Variants in ANO2 observed in about 807,000 individuals in gnomAD.
The protein encoded by ANO2 is anoctamin-2.
A neutral mutation model predicts 124.2 loss-of-function variants in ANO2; 101 were observed. That is an observed-to-expected ratio of 0.81 (90% confidence interval 0.69 to 0.96). ANO2 has a LOEUF of 0.96. ANO2 is among the 40% of genes least tolerant of loss of function. The pLI is 0.00. For missense variants in ANO2, 1,293 were observed against 1,274.5 expected (o/e 1.01, Z -0.22); for synonymous variants, 486 against 482.5 (o/e 1.01, Z -0.09).
At chr12:5,566,043 C>A (rs1000301477) in intron 23 of ANO2, among the ~76,000 whole-genome samples, 2 of 151,994 alleles carry the variant, frequency 1.3e-5, no homozygotes, top group Non-Finnish European at 1.5e-5. Flanking sequence ...AGGGGAGACC[C>A]AGACACCCTG....
chr12:5,849,759 A>T (rs775801699), intron 4 of ANO2, among the ~76,000 whole-genome samples: 13 of 152,100 alleles, frequency 8.5e-5, no homozygotes, highest in Non-Finnish European at 1.6e-4. Flanking sequence ...GTTATGATCC[A>T]AACCTCCACT....
chr12:5,606,076 C>T (rs1324527791), intron 19 of ANO2, among the ~76,000 whole-genome samples: 1 of 152,166 alleles, frequency 6.6e-6, no homozygotes, highest in Non-Finnish European at 1.5e-5. Flanking sequence ...TACTGCCTCC[C>T]TTTGAAGCAT....
At chr12:5,945,277 C>G (rs1943059250), upstream of ANO2, 3 of 1,254,222 alleles carry the variant, frequency 2.4e-6, no homozygotes, top group Non-Finnish European at 3.1e-6. Context: ...CTTATGCCGC[C>G]GCGGGGCTAA....
intron 3 of ANO2, among the ~76,000 whole-genome samples, chr12:5,903,678 G>GT (rs1565765485): frequency 2.2e-4 from 24 of 108,658 alleles, no homozygotes; most frequent in African/African-American, 4.0e-4. Flanking sequence ...TGTGTGTGTG[G>GT]GTGTAGACAG....
At chr12:5,675,637 G>A (rs1270267821) in intron 14 of ANO2, among the ~76,000 whole-genome samples, 3 of 152,142 alleles carry the variant, frequency 2.0e-5, no homozygotes, top group Admixed American at 6.5e-5. Context: ...CCTTGCTGTC[G>A]TCAGTTCTCA....
At position 5,900,830 on chromosome 12, in the gene ANO2, A is replaced by G. The variant is rs986252379; in HGVS notation, c.534+20210T>C. On this transcript the variant is annotated intron_variant, in intron 3 of 24. Coordinates refer to ENST00000682330, the MANE Select transcript of ANO2 (RefSeq NM_001364791.2). This position sits in a 1 kb window ranked among gnomAD's most constrained non-coding sequence, Gnocchi z 4.2. Reference sequence around the variant, plus strand: ...GGCTGTTTGGAAAGAGTCAAGGCCAAGAGGGCAGGAAGGCGTCTCCTTGTT... The same window carrying G: ...GGCTGTTTGGAAAGAGTCAAGGCCAGGAGGGCAGGAAGGCGTCTCCTTGTT... 6.9e-6 allele frequency among the ~76,000 whole-genome samples: 1 copy of G among 145,354 alleles called. No individual in the cohort carries two copies. The highest frequency in any genetic ancestry group is 6.7e-5 in the Admixed American group (1 of 14,988).
chr12:5,943,640 C>A (rs1942983266), intron 1 of ANO2, among the ~76,000 whole-genome samples: 8 of 152,112 alleles, frequency 5.3e-5, no homozygotes, highest in Admixed American at 5.2e-4. Context: ...AAGCAAAACC[C>A]CGTACCCTAA....
Position 5,772,841 on chromosome 12 carries a change from T to C in ANO2, c.1056-21871A>G, listed in dbSNP as rs142492983. On this transcript the variant is annotated intron_variant, in intron 10 of 24. Coordinates refer to ENST00000682330, the MANE Select transcript of ANO2 (RefSeq NM_001364791.2). ...CATTTCTTCATCATATACCACATAA[T>C]ATGGATGTTAATAGCCACTCCCAAG... Among the ~76,000 whole-genome samples, 12 of 152,336 alleles carry C rather than the reference T, an allele frequency of 7.9e-5. No homozygotes were observed. The East Asian group carries it at 2.1e-3, about 27-fold the overall frequency.
chr12:5,755,468 C>T (rs543756383), intron 10 of ANO2, among the ~76,000 whole-genome samples: 6 of 151,368 alleles, frequency 4.0e-5, no homozygotes, highest in South Asian at 4.2e-4. Flanking sequence ...AGGTTTGTTA[C>T]GTATGTATAC....
At chr12:5,864,031 A>T (rs1955352778) in intron 3 of ANO2, among the ~76,000 whole-genome samples, 1 of 152,232 alleles carries the variant, frequency 6.6e-6, no homozygotes, top group Non-Finnish European at 1.5e-5. Flanking sequence ...GGCACTGTGA[A>T]ATCTCTGCCT....
At chr12:5,850,163 C>T (rs1206467867) in intron 4 of ANO2, among the ~76,000 whole-genome samples, 1 of 151,560 alleles carries the variant, frequency 6.6e-6, no homozygotes, top group African/African-American at 2.4e-5. Context: ...TGCCTGTAAG[C>T]CCAACACTTT....
At chr12:5,869,451 AAT>A (rs1374790379) in intron 3 of ANO2, among the ~76,000 whole-genome samples, 4 of 152,182 alleles carry the variant, frequency 2.6e-5, no homozygotes, top group African/African-American at 9.7e-5. Context: ...GCCCAGGGTA[AAT>A]CTTCAATAAA....
chr12:5,835,418 G>A (rs1954285453), intron 4 of ANO2, among the ~76,000 whole-genome samples: 1 of 152,204 alleles, frequency 6.6e-6, no homozygotes, highest in African/African-American at 2.4e-5. Flanking sequence ...TGTGAATTAA[G>A]AAGATAATCA....
intron 10 of ANO2, among the ~76,000 whole-genome samples, chr12:5,773,189 T>C (rs1159733537): frequency 2.6e-5 from 4 of 152,238 alleles, no homozygotes; most frequent in African/African-American, 9.6e-5. Flanking sequence ...CCTTCTCTTG[T>C]CCCTTCCTGC....
intron 14 of ANO2, among the ~76,000 whole-genome samples, chr12:5,720,937 G>A (rs999830877): frequency 6.6e-6 from 1 of 152,174 alleles, no homozygotes; most frequent in South Asian, 2.1e-4. Flanking sequence ...AGTGGACCAG[G>A]GCCCCCCATC....
chr12:5,891,601 G>T (rs1421068347), intron 3 of ANO2, among the ~76,000 whole-genome samples: 1 of 152,168 alleles, frequency 6.6e-6, no homozygotes, highest in Non-Finnish European at 1.5e-5. Context: ...CCCTAAAGCT[G>T]CATGTGCATG....
intron 1 of ANO2, among the ~76,000 whole-genome samples, chr12:5,933,949 A>G (rs2136319961): frequency 6.6e-6 from 1 of 152,300 alleles, no homozygotes; most frequent in East Asian, 1.9e-4. Flanking sequence ...TCTGGATGCA[A>G]TAAGAGCTCT....
At chr12:5,807,555 T>C (rs540813076) in intron 7 of ANO2, among the ~76,000 whole-genome samples, 187 bp from the exon 8 acceptor site, 3 of 152,326 alleles carry the variant, frequency 2.0e-5, no homozygotes, top group Non-Finnish European at 4.4e-5. Context: ...TATTGTTTCA[T>C]TCTCTAAATA....
At chr12:5,924,851 A>G (rs1284272713) in intron 1 of ANO2, among the ~76,000 whole-genome samples, 1 of 152,220 alleles carries the variant, frequency 6.6e-6, no homozygotes, top group Non-Finnish European at 1.5e-5. Flanking sequence ...TTGGAGAAAG[A>G]CACAGACCTC....
Sources: gnomAD v4.1 joint callset for allele counts (sites outside exome capture counted in the v4.1 genomes callset) on GRCh38, gnomAD v4.1.1 for gene constraint, Gnocchi (gnomAD v3.1) non-coding constraint, MANE v1.5 for transcripts, NCBI Gene and HGNC (gene_info 2026-07-23, HGNC 2026-07-21) for gene names.